Variants in MYO18B observed in about 807,000 individuals in gnomAD.
MYO18B encodes the protein unconventional myosin-XVIIIb.
A neutral mutation model predicts 273.0 loss-of-function variants in MYO18B; 204 were observed. The ratio of observed to expected loss-of-function variants is 0.75; its 90% CI spans 0.67 to 0.84. The LOEUF (loss-of-function observed/expected upper bound fraction) is 0.84. Among genes scored for constraint, MYO18B ranks in the 40% least tolerant of loss-of-function variants. The pLI, the probability that MYO18B is intolerant of heterozygous loss-of-function variation, is 0.00. For synonymous variants in MYO18B, 1,330 were observed against 1,305.7 expected (o/e 1.02, Z -0.40); for missense variants, 3,212 against 3,287.6 (o/e 0.98, Z 0.56).
At chr22:25,983,461 A>T (rs2093170004) in intron 39 of MYO18B, 1 of 152,224 alleles carries the variant, frequency 6.6e-6, no homozygotes, top group Non-Finnish European at 1.5e-5. Context: ...GTAAGTGAAC[A>T]GTTTGATGAA....
chr22:26,034,226 A>G (rs9624959), downstream of MYO18B, among the ~76,000 whole-genome samples: 2 of 152,212 alleles, frequency 1.3e-5, no homozygotes, highest in Non-Finnish European at 2.9e-5. Flanking sequence ...GATGTCACAT[A>G]GGCAGTGTGC....
At chr22:25,855,336 T>G (rs2090538152) in intron 21 of MYO18B, among the ~76,000 whole-genome samples, 2 of 144,762 alleles carry the variant, frequency 1.4e-5, no homozygotes, top group South Asian at 4.4e-4. Context: ...CAGGCTAGAA[T>G]GCGGTGGCAC....
At chr22:25,778,537 T>C (rs75443740) in intron 8 of MYO18B, among the ~76,000 whole-genome samples, 2,839 of 152,220 alleles carry the variant, frequency 0.019, 79 homozygotes, top group African/African-American at 0.064. Flanking sequence ...TGGAGTGCAG[T>C]GGTGTGATCC....
chr22:25,916,833 A>G (rs1316288556), intron 33 of MYO18B, among the ~76,000 whole-genome samples: 2 of 152,190 alleles, frequency 1.3e-5, no homozygotes, highest in African/African-American at 4.8e-5. Flanking sequence ...GGAGTTCGAG[A>G]CCAGCCTGAC....
At chr22:26,007,543 C>T (rs560288530) in intron 42 of MYO18B, among the ~76,000 whole-genome samples, 1 of 152,290 alleles carries the variant, frequency 6.6e-6, no homozygotes, top group Non-Finnish European at 1.5e-5. Context: ...TATTATGCAA[C>T]CTTCAATGTT....
At chr22:26,003,934 C>T (rs2146915060) in intron 41 of MYO18B, among the ~76,000 whole-genome samples, 1 of 151,932 alleles carries the variant, frequency 6.6e-6, no homozygotes, top group South Asian at 2.1e-4. Context: ...CTAGTAAAAC[C>T]TACCCTCTGT....
chr22:26,015,411 C>A (rs1000566580), intron 42 of MYO18B, among the ~76,000 whole-genome samples: 4 of 152,134 alleles, frequency 2.6e-5, no homozygotes. Context: ...AAATGCCCAT[C>A]AATGGTAGAC....
chr22:25,990,408 G>A (rs56395914), intron 39 of MYO18B, among the ~76,000 whole-genome samples: 24,023 of 151,920 alleles, frequency 0.16, 2,073 homozygotes, highest in African/African-American at 0.19. Context: ...AAATGAGGCC[G>A]GGTGCAGTGG....
intron 12 of MYO18B, among the ~76,000 whole-genome samples, chr22:25,819,509 C>G (rs1326605090): frequency 6.6e-6 from 1 of 151,284 alleles, no homozygotes; most frequent in Non-Finnish European, 1.5e-5. Context: ...TTTAATGCCT[C>G]TCTCTAATAT....
intron 7 of MYO18B, among the ~76,000 whole-genome samples, chr22:25,772,823 T>C (rs991214428): frequency 6.6e-6 from 1 of 152,228 alleles, no homozygotes; most frequent in African/African-American, 2.4e-5. Context: ...ATTAACTCAG[T>C]TGAGTCTCAC....
rs565024132 is a variant in MYO18B at position 25,903,758 on chromosome 22, A to G, written c.5075A>G (p.Lys1692Arg). 5.2e-5 allele frequency: 84 copies of G among 1,605,092 alleles called. No individual in the cohort carries two copies. The Middle Eastern group carries it at 8.3e-4, about 16-fold the overall frequency. ...GCTGGCTTGAAGGAGAGGCTCTGGA[A>G]GTTGGAATCCAGCGCCCTTGAGCAA... ...CVAGLKERLW[K>R]LESSALEQQK... Residue 1692 changes from lysine (K) to arginine (R), a missense_variant, in exon 31 of 44, where the codon AAG (lysine) becomes AGG (arginine). By Grantham distance (26) the Lys-to-Arg change is conservative. Transcript: ENST00000335473.
intron 39 of MYO18B, among the ~76,000 whole-genome samples, chr22:25,974,438 A>G (rs1453243822): frequency 6.6e-6 from 1 of 152,248 alleles, no homozygotes; most frequent in Non-Finnish European, 1.5e-5. Context: ...TGAAATCTAT[A>G]CATTCTTAGA....
chr22:25,885,841 C>T (rs1205276124), intron 25 of MYO18B, among the ~76,000 whole-genome samples: 1 of 152,150 alleles, frequency 6.6e-6, no homozygotes, highest in Non-Finnish European at 1.5e-5. Flanking sequence ...CTAGAGGGAC[C>T]CCCAAGGCCA....
intron 1 of MYO18B, among the ~76,000 whole-genome samples, chr22:25,744,138 C>T (rs2085707409): frequency 6.6e-6 from 1 of 152,206 alleles, no homozygotes; most frequent in African/African-American, 2.4e-5. Context: ...CCATGTTTCA[C>T]AAACATGGAA....
intron 25 of MYO18B, among the ~76,000 whole-genome samples, chr22:25,887,542 A>G (rs1312010149): frequency 6.6e-6 from 1 of 151,530 alleles, no homozygotes; most frequent in Non-Finnish European, 1.5e-5. Flanking sequence ...TTTTCAAGAT[A>G]ATTTCTGGTT....
chr22:25,905,990 G>A (rs535179876), intron 31 of MYO18B, among the ~76,000 whole-genome samples: 1 of 152,268 alleles, frequency 6.6e-6, no homozygotes, highest in Non-Finnish European at 1.5e-5. Context: ...TACCACTGGG[G>A]GACCACTTAG....
intron 40 of MYO18B, among the ~76,000 whole-genome samples, chr22:26,002,531 C>A (rs1934050795): frequency 6.6e-6 from 1 of 152,130 alleles, no homozygotes; most frequent in South Asian, 2.1e-4. Flanking sequence ...GAGGAATTGT[C>A]CAGATTACAG....
At chr22:25,933,807 A>G (rs2092542379) in intron 34 of MYO18B, among the ~76,000 whole-genome samples, 1 of 152,166 alleles carries the variant, frequency 6.6e-6, no homozygotes, top group African/African-American at 2.4e-5. Flanking sequence ...ACATTATTTT[A>G]TGGGAGGGGA....
intron 13 of MYO18B, among the ~76,000 whole-genome samples, chr22:25,825,157 G>GCACACA (rs1159856719): frequency 1.3e-5 from 2 of 152,170 alleles, no homozygotes; most frequent in Non-Finnish European, 2.9e-5. Context: ...ACAGACAGAT[G>GCACACA]CAGTCACCAC....
Sources: gnomAD v4.1 joint callset for allele counts (sites outside exome capture counted in the v4.1 genomes callset) on GRCh38, gnomAD v4.1.1 for gene constraint, MANE v1.5 for transcripts, NCBI Gene and HGNC (gene_info 2026-07-23, HGNC 2026-07-21) for gene names.